The following FAM222B variants were observed in gnomAD, a reference collection of about 807,000 sequenced individuals.
FAM222B encodes the protein protein FAM222B.
A neutral mutation model predicts 38.0 loss-of-function variants in FAM222B; 12 were observed. The ratio of observed to expected loss-of-function variants is 0.32; its 90% CI spans 0.20 to 0.51. The LOEUF (loss-of-function observed/expected upper bound fraction) is 0.51, where lower values mean the gene tolerates loss of function less well. Among genes scored for constraint, FAM222B ranks in the 20% least tolerant of loss-of-function variants. FAM222B has a pLI of 0.97. For missense variants in FAM222B, 716 were observed against 754.2 expected (o/e 0.95, Z 0.59); for synonymous variants, 329 against 317.2 (o/e 1.04, Z -0.40).
chr17:28,832,579 T>C (rs1311908207), intron 1 of FAM222B, among the ~76,000 whole-genome samples: 3 of 152,188 alleles, frequency 2.0e-5, no homozygotes, highest in African/African-American at 7.2e-5. Flanking sequence ...TCTCCCCAAA[T>C]ATGGGTTAAG....
chr17:28,778,348 T>C (rs2035991810), intron 1 of FAM222B, among the ~76,000 whole-genome samples: 1 of 151,956 alleles, frequency 6.6e-6, no homozygotes, highest in African/African-American at 2.4e-5. Flanking sequence ...CATGCGGTGT[T>C]TGGTTTTCTG....
At chr17:28,795,788 C>T (rs1431326502) in intron 1 of FAM222B, among the ~76,000 whole-genome samples, 6 of 152,128 alleles carry the variant, frequency 3.9e-5, no homozygotes, top group Non-Finnish European at 5.9e-5. Flanking sequence ...GAATTTAAAA[C>T]GCAATCAGAA....
intron 1 of FAM222B, among the ~76,000 whole-genome samples, chr17:28,826,617 G>A (rs1294569185): frequency 6.7e-6 from 1 of 149,574 alleles, no homozygotes; most frequent in East Asian, 2.0e-4. Flanking sequence ...GGAGGCAGAG[G>A]TTGTGGTGAG....
At chr17:28,772,750 C>T (rs2035698101) in intron 1 of FAM222B, among the ~76,000 whole-genome samples, 1 of 151,738 alleles carries the variant, frequency 6.6e-6, no homozygotes, top group African/African-American at 2.4e-5. Context: ...GAAAAATTAG[C>T]TGGGCATGGC....
chr17:28,818,332 T>C (rs567643783), intron 1 of FAM222B, among the ~76,000 whole-genome samples: 2 of 151,902 alleles, frequency 1.3e-5, no homozygotes, highest in African/African-American at 4.8e-5. Context: ...ATCGAGACCA[T>C]CTGGGCTAAC....
intron 1 of FAM222B, among the ~76,000 whole-genome samples, chr17:28,811,276 T>C (rs1397268409): frequency 6.6e-6 from 1 of 151,984 alleles, no homozygotes; most frequent in Non-Finnish European, 1.5e-5. Flanking sequence ...CGGTCACTAC[T>C]AAAAATACAA....
rs1444388535 is a variant in FAM222B at position 28,801,010 on chromosome 17, T to C, written c.-40-34303A>G. 2.0e-5 allele frequency among the ~76,000 whole-genome samples: 3 copies of C among 150,740 alleles called. 1 individual carries two copies. In the South Asian group the frequency reaches 6.3e-4, roughly 31 times the overall value. On this transcript the variant is annotated intron_variant, in intron 1 of 2. Coordinates refer to ENST00000581407, the MANE Select transcript of FAM222B (RefSeq NM_001077498.3). Reference sequence around the variant, plus strand: ...CCATCTCTACTAAAAATACAAAAATTAGCTGGGCGTGGTGGCAGGCGCCTG... The same window carrying C: ...CCATCTCTACTAAAAATACAAAAATCAGCTGGGCGTGGTGGCAGGCGCCTG...
chr17:28,811,229 A>G lies in FAM222B; in HGVS notation c.-41+31453T>C, dbSNP rs9894691. On this transcript the variant is annotated intron_variant, in intron 1 of 2. Coordinates refer to ENST00000581407, the MANE Select transcript of FAM222B (RefSeq NM_001077498.3). The stretch of plus-strand genomic sequence containing the variant: ...GCCGAGGCGGGTGGATCACGAGGTC[A>G]GGATATCAAGACCATCCTGGCTAAC... Among the ~76,000 whole-genome samples, 705 of 152,282 alleles carry G rather than the reference A, an allele frequency of 4.6e-3. 8 individuals carry two copies. Among genetic ancestry groups the G allele is most frequent in the African/African-American group, 0.016 (656 of 41,570 alleles).
intron 1 of FAM222B, among the ~76,000 whole-genome samples, chr17:28,768,184 G>T (rs1032712306): frequency 1.3e-5 from 2 of 152,166 alleles, no homozygotes; most frequent in Non-Finnish European, 2.9e-5. Context: ...AGAAACCAAG[G>T]TGGCAAATTA....
chr17:28,799,442 C>T (rs558608200), intron 1 of FAM222B, among the ~76,000 whole-genome samples: 54 of 151,426 alleles, frequency 3.6e-4, no homozygotes, highest in African/African-American at 1.3e-3. Flanking sequence ...GGACCACAGG[C>T]GCCTGCCACC....
intron 1 of FAM222B, among the ~76,000 whole-genome samples, chr17:28,781,290 C>A (rs958836961): frequency 3.3e-5 from 5 of 151,978 alleles, no homozygotes; most frequent in African/African-American, 1.2e-4. Flanking sequence ...GGAAGTGAAA[C>A]CTTGTCTCAA....
At chr17:28,844,200 G>A (rs1390004417), upstream of FAM222B, among the ~76,000 whole-genome samples, 2 of 152,086 alleles carry the variant, frequency 1.3e-5, no homozygotes, top group Non-Finnish European at 1.5e-5. Flanking sequence ...GCAAGAGGAG[G>A]TACAGGACTA....
chr17:28,806,410 T>G (rs1418627775), intron 1 of FAM222B, among the ~76,000 whole-genome samples: 7 of 152,200 alleles, frequency 4.6e-5, no homozygotes. Context: ...TGACTGAATT[T>G]AATCTAACCA....
At chr17:28,846,026 A>G (rs1952542969), upstream of FAM222B, among the ~76,000 whole-genome samples, 1 of 149,826 alleles carries the variant, frequency 6.7e-6, no homozygotes. Context: ...ACACGGTGAA[A>G]CCCCGTCTCT....
chr17:28,790,884 C>A (rs1236170739), intron 1 of FAM222B, among the ~76,000 whole-genome samples: 40 of 86,080 alleles, frequency 4.6e-4, no homozygotes, highest in African/African-American at 1.7e-3. Flanking sequence ...AATTGTTTCA[C>A]TTTTTTTTTT....
intron 1 of FAM222B, among the ~76,000 whole-genome samples, chr17:28,773,770 C>A (rs1340445135): frequency 5.3e-5 from 8 of 151,954 alleles, no homozygotes; most frequent in Non-Finnish European, 2.9e-5. Context: ...TCCACTCCAG[C>A]CTGGGCGACA....
At chr17:28,773,211 C>G (rs2035721352) in intron 1 of FAM222B, among the ~76,000 whole-genome samples, 1 of 151,958 alleles carries the variant, frequency 6.6e-6, no homozygotes, top group Non-Finnish European at 1.5e-5. Context: ...TGCGGTGGCT[C>G]ATGCCTGTAA....
intron 1 of FAM222B, among the ~76,000 whole-genome samples, chr17:28,828,607 G>GT (rs1205404200): frequency 1.3e-5 from 2 of 150,074 alleles, no homozygotes; most frequent in Non-Finnish European, 3.0e-5. Context: ...GCATTTCTAA[G>GT]TAAAATAAAT....
intron 1 of FAM222B, among the ~76,000 whole-genome samples, chr17:28,805,209 G>C (rs1465530718): frequency 6.6e-6 from 1 of 151,996 alleles, no homozygotes; most frequent in East Asian, 1.9e-4. Context: ...AATGAAAAAA[G>C]TAGCCAGGCA....
Sources: gnomAD v4.1 joint callset for allele counts (sites outside exome capture counted in the v4.1 genomes callset) on GRCh38, gnomAD v4.1.1 for gene constraint, MANE v1.5 for transcripts, NCBI Gene and HGNC (gene_info 2026-07-23, HGNC 2026-07-21) for gene names.